Variants in FBN2 observed in about 807,000 individuals in gnomAD.
FBN2 encodes fibrillin-2.
A neutral mutation model predicts 355.6 loss-of-function variants in FBN2; 105 were observed. The ratio of observed to expected loss-of-function variants is 0.30; its 90% CI spans 0.25 to 0.35. The LOEUF is 0.35. FBN2 is among the 10% of genes least tolerant of loss of function. FBN2 has a pLI of 1.00. For synonymous variants in FBN2, 1,350 were observed against 1,301.2 expected, an observed-to-expected ratio of 1.04 and a Z score of -0.81; for missense variants, 3,280 against 3,758.7, an observed-to-expected ratio of 0.87 and a Z score of 3.33.
At chr5:128,270,174 C>A (rs896492393) in intron 62 of FBN2, among the ~76,000 whole-genome samples, 2 of 152,188 alleles carry the variant, frequency 1.3e-5, no homozygotes, top group Non-Finnish European at 2.9e-5. Context: ...CCCTTCCTTA[C>A]ACCTTACACA....
intron 5 of FBN2, among the ~76,000 whole-genome samples, chr5:128,474,022 G>A (rs1292134069): frequency 1.3e-5 from 2 of 152,180 alleles, no homozygotes; most frequent in South Asian, 2.1e-4. Context: ...TTTTAAGAAT[G>A]AAGAGGCCGT....
At chr5:128,480,292 T>C (rs1024042544) in intron 5 of FBN2, among the ~76,000 whole-genome samples, 1 of 151,224 alleles carries the variant, frequency 6.6e-6, no homozygotes, top group African/African-American at 2.4e-5. Context: ...GGTGTCATAT[T>C]TTGTGTCTCT....
chr5:128,525,883 T>A (rs574024174), intron 4 of FBN2, among the ~76,000 whole-genome samples: 10 of 152,286 alleles, frequency 6.6e-5, no homozygotes, highest in Non-Finnish European at 1.0e-4. Context: ...CTATAAAGTA[T>A]ACAATTTTGC....
intron 34 of FBN2, among the ~76,000 whole-genome samples, chr5:128,320,216 T>A (rs1465318788): frequency 6.6e-6 from 1 of 151,030 alleles, no homozygotes; most frequent in Non-Finnish European, 1.5e-5. Flanking sequence ...TCCTTCTGAC[T>A]ATGCATTTTT....
At chr5:128,464,640 C>T (rs1042215370) in intron 6 of FBN2, 84 bp downstream of exon 6, 13 of 1,416,218 alleles carry the variant, frequency 9.2e-6, no homozygotes, top group Admixed American at 3.3e-5. Flanking sequence ...TTAAAAGCTA[C>T]CATCCAGTGC....
chr5:128,459,508 C>A (rs559053847), intron 6 of FBN2, among the ~76,000 whole-genome samples: 78 of 148,438 alleles, frequency 5.3e-4, no homozygotes, highest in African/African-American at 1.2e-3. Flanking sequence ...ACAACAACAA[C>A]AAAAAACTTG....
At chr5:128,323,833 T>A (rs1349910985) in intron 34 of FBN2, among the ~76,000 whole-genome samples, 6 of 152,208 alleles carry the variant, frequency 3.9e-5, no homozygotes, top group African/African-American at 1.4e-4. Context: ...AGTCCCTCTT[T>A]CTGTTGTTTG....
chr5:128,464,570 A>C (rs1754652393), intron 6 of FBN2, among the ~76,000 whole-genome samples, 154 bp downstream of exon 6: 1 of 152,216 alleles, frequency 6.6e-6, no homozygotes, highest in African/African-American at 2.4e-5. Flanking sequence ...AGGTGGCTAA[A>C]AGATAAACCT....
At chr5:128,508,205 A>C (rs1756015259) in intron 5 of FBN2, among the ~76,000 whole-genome samples, 1 of 151,998 alleles carries the variant, frequency 6.6e-6, no homozygotes, top group African/African-American at 2.4e-5. Context: ...TTGGATTTTT[A>C]AAATCCTACA....
intron 45 of FBN2, 132 bp from the exon 46 acceptor site, chr5:128,303,221 G>C (rs1206811665): frequency 1.5e-6 from 1 of 669,826 alleles, no homozygotes; most frequent in Non-Finnish European, 2.7e-6. Context: ...ATATCTACTT[G>C]AGGAAAATGA....
At chr5:128,339,691 T>A (rs1380290517) in intron 25 of FBN2, among the ~76,000 whole-genome samples, 2 of 152,114 alleles carry the variant, frequency 1.3e-5, no homozygotes, top group East Asian at 1.9e-4. Context: ...CAGGCCCCCA[T>A]GGAATGAAAC....
intron 20 of FBN2, among the ~76,000 whole-genome samples, chr5:128,351,285 G>A (rs1293961160): frequency 6.6e-6 from 1 of 151,954 alleles, no homozygotes; most frequent in Admixed American, 6.6e-5. Flanking sequence ...AGTGGCTCAC[G>A]CCTGTAATCC....
intron 5 of FBN2, among the ~76,000 whole-genome samples, chr5:128,479,539 G>A (rs187660048): frequency 6.6e-6 from 1 of 152,262 alleles, no homozygotes; most frequent in Admixed American, 6.5e-5. Context: ...CTCAAGCACA[G>A]TGAGATAAGG....
chr5:128,512,237 C>T (rs1018080682), intron 5 of FBN2, among the ~76,000 whole-genome samples: 2 of 152,100 alleles, frequency 1.3e-5, no homozygotes, highest in African/African-American at 4.8e-5. Context: ...TCAGGCCAGG[C>T]GCAGTGGCTT....
chr5:128,322,341 A>G lies in FBN2; in HGVS notation c.4472-3340T>C, dbSNP rs148909967. On this transcript the variant is annotated intron_variant, in intron 34 of 64. Coordinates refer to ENST00000262464, the MANE Select transcript of FBN2 (RefSeq NM_001999.4). The stretch of plus-strand genomic sequence containing the variant: ...TTGTTGCCATTGCTTTTGGTGTTTC[A>G]GTCATGAAGTCTTTGCCCATGCCTA... 2.7e-3 allele frequency among the ~76,000 whole-genome samples: 414 copies of G among 152,228 alleles called. 2 individuals carry two copies. The highest frequency in any genetic ancestry group is 9.6e-3 in the African/African-American group (400 of 41,526).
chr5:128,435,081 C>A (rs1753740386), intron 7 of FBN2, among the ~76,000 whole-genome samples: 1 of 152,064 alleles, frequency 6.6e-6, no homozygotes, highest in Non-Finnish European at 1.5e-5. Context: ...TGGTTCTCAG[C>A]ATTTGGGAAA....
At chr5:128,440,171 T>G (rs541843181) in intron 7 of FBN2, among the ~76,000 whole-genome samples, 23 of 152,218 alleles carry the variant, frequency 1.5e-4, no homozygotes, top group Non-Finnish European at 3.1e-4. Flanking sequence ...CTCCAGTCTT[T>G]CAAATATTTT....
At chr5:128,274,772 C>T in intron 59 of FBN2, 89 bp from the exon 60 acceptor site, 1 of 824,278 alleles carries the variant, frequency 1.2e-6, no homozygotes, top group South Asian at 1.4e-5. Context: ...GCACATGCTC[C>T]ATTAGAAGCA....
chr5:128,317,632 GT>G (rs1220706300), intron 36 of FBN2, among the ~76,000 whole-genome samples: 1 of 151,982 alleles, frequency 6.6e-6, no homozygotes. Context: ...CTGGACAATT[GT>G]TTTTTTAAGA....
Sources: gnomAD v4.1 joint callset for allele counts (sites outside exome capture counted in the v4.1 genomes callset) on GRCh38, gnomAD v4.1.1 for gene constraint, MANE v1.5 for transcripts, NCBI Gene and HGNC (gene_info 2026-07-23, HGNC 2026-07-21) for gene names.